The following WSCD1 variants were observed in gnomAD, a reference collection of about 807,000 sequenced individuals.
WSCD1 encodes WSC domain sialate O sulfotransferase 1, also known as sialate:O-sulfotransferase 1.
Under a neutral mutation model 60.4 loss-of-function variants are expected in WSCD1, and 41 were observed. That is an observed-to-expected ratio of 0.68 (90% confidence interval 0.53 to 0.88). The LOEUF is 0.88. WSCD1 is among the 40% of genes least tolerant of loss of function. The probability of loss-of-function intolerance (pLI) is 0.00; values close to 1 mark genes in which losing one functional copy is unlikely to be tolerated. For synonymous variants in WSCD1, 361 were observed against 332.5 expected (o/e 1.09, Z -0.93); for missense variants, 784 against 796.2 (o/e 0.98, Z 0.18).
At chr17:6,109,123 T>C (rs1597368394) in intron 5 of WSCD1, among the ~76,000 whole-genome samples, 1 of 152,140 alleles carries the variant, frequency 6.6e-6, no homozygotes, top group Non-Finnish European at 1.5e-5. Context: ...TGTTCATTAG[T>C]GGTGTGACAC....
intron 5 of WSCD1, among the ~76,000 whole-genome samples, chr17:6,100,989 T>G (rs1209203471): frequency 6.6e-6 from 1 of 152,214 alleles, no homozygotes; most frequent in African/African-American, 2.4e-5. Context: ...GAAGTTGATC[T>G]GACCCAGACC....
upstream of WSCD1, among the ~76,000 whole-genome samples, chr17:6,069,765 C>T (rs1487770008): frequency 2.2e-5 from 3 of 135,796 alleles, no homozygotes; most frequent in Non-Finnish European, 4.7e-5. Context: ...CTGCATGGGA[C>T]GGTGATCCGG....
intron 5 of WSCD1, among the ~76,000 whole-genome samples, chr17:6,108,150 C>T (rs1390210503): frequency 1.3e-5 from 2 of 152,166 alleles, no homozygotes; most frequent in African/African-American, 4.8e-5. Context: ...CGCCAATGCC[C>T]CAGGCCCTGC....
chr17:6,090,087 G>A (rs145680867), intron 3 of WSCD1, among the ~76,000 whole-genome samples: 1 of 152,296 alleles, frequency 6.6e-6, no homozygotes. Context: ...CTCTTATACA[G>A]ATGGAGAATC....
intron 5 of WSCD1, among the ~76,000 whole-genome samples, chr17:6,096,602 C>A (rs986551512): frequency 1.3e-5 from 2 of 152,214 alleles, no homozygotes; most frequent in African/African-American, 4.8e-5. Context: ...AGGGCACCCA[C>A]GACACAATTA....
At chr17:6,070,014 T>C (rs186489987), upstream of WSCD1, among the ~76,000 whole-genome samples, 264 of 151,924 alleles carry the variant, frequency 1.7e-3, no homozygotes, top group African/African-American at 5.9e-3. Flanking sequence ...GCTGTGAGTC[T>C]GCATGGGAGA....
At chr17:6,084,092 T>C (rs1909459874) in intron 2 of WSCD1, among the ~76,000 whole-genome samples, 1 of 152,194 alleles carries the variant, frequency 6.6e-6, no homozygotes, top group Non-Finnish European at 1.5e-5. Flanking sequence ...CCATCTACAC[T>C]CTGGCTGCCT....
chr17:6,080,910 T>C lies in WSCD1; in HGVS notation c.252T>C (p.Gly84=). Reference sequence around the variant, plus strand: ...GAGTCAGCCCAGAGCTGCTGCTGGGTGTGGACATGCTGCAGAGCCCCCTGA... The same window carrying C: ...GAGTCAGCCCAGAGCTGCTGCTGGGCGTGGACATGCTGCAGAGCCCCCTGA... ...DPRVSPELLL[G]VDMLQSPLTR... The change falls in exon 2 of 9, where the codon GGT becomes GGC. Residue 84 remains glycine, a synonymous_variant. Transcript: ENST00000317744. The surrounding 1 kb of genome is among the most constrained non-coding windows in gnomAD (Gnocchi z 6.6). 1.3e-6 allele frequency: 2 copies of C among 1,596,476 alleles called. No homozygotes were observed. Among genetic ancestry groups the C allele is most frequent in the Non-Finnish European group, 1.7e-6 (2 of 1,175,852 alleles).
At chr17:6,099,968 T>A (rs1026303301) in intron 5 of WSCD1, among the ~76,000 whole-genome samples, 2 of 152,046 alleles carry the variant, frequency 1.3e-5, no homozygotes, top group African/African-American at 4.8e-5. Flanking sequence ...CTGGTGTCCC[T>A]CCAGTCATCA....
chr17:6,117,250 G>C (rs751548875), intron 7 of WSCD1, among the ~76,000 whole-genome samples: 4 of 152,198 alleles, frequency 2.6e-5, no homozygotes, highest in Non-Finnish European at 5.9e-5. Flanking sequence ...GCCCCCGATG[G>C]GCTGATCAAT....
At chr17:6,108,755 T>G (rs1214380084) in intron 5 of WSCD1, among the ~76,000 whole-genome samples, 1 of 152,224 alleles carries the variant, frequency 6.6e-6, no homozygotes, top group Non-Finnish European at 1.5e-5. Context: ...CTTTCACACC[T>G]TCAGGATGCC....
At chr17:6,115,476 T>A (rs1239334025) in intron 7 of WSCD1, among the ~76,000 whole-genome samples, 1 of 152,140 alleles carries the variant, frequency 6.6e-6, no homozygotes, top group Non-Finnish European at 1.5e-5. Context: ...TGTTTAAGAA[T>A]GAAAAACCTC....
At chr17:6,082,682 G>A (rs1420207187) in intron 2 of WSCD1, among the ~76,000 whole-genome samples, 2 of 152,174 alleles carry the variant, frequency 1.3e-5, no homozygotes, top group Non-Finnish European at 2.9e-5. Flanking sequence ...CCCTGCACCC[G>A]AAGTCAGAAG....
chr17:6,104,794 G>A (rs1417026902), intron 5 of WSCD1, among the ~76,000 whole-genome samples: 1 of 152,212 alleles, frequency 6.6e-6, no homozygotes, highest in African/African-American at 2.4e-5. Context: ...GAGTTGAGCT[G>A]TGTTGATGTG....
In WSCD1 at chr17:6,080,507, G is replaced by A. The variant is rs376202050; in HGVS notation, c.-152G>A. On this transcript the variant is annotated 5_prime_UTR_variant, in exon 2 of 9. Transcript: ENST00000317744. The surrounding 1 kb of genome is among the most constrained non-coding windows in gnomAD (Gnocchi z 6.6). ...TGCCATTTGAACACCTACTGGAAAC[G>A]GGGCAGGAACAGTGAGTGACCCCAG... is the stretch of plus-strand genomic sequence containing the variant. 5.2e-5 allele frequency: 38 copies of A among 734,080 alleles called. No homozygotes were observed. Among genetic ancestry groups the A allele is most frequent in the South Asian group, 5.1e-4 (27 of 53,454 alleles). 45.5% of individuals were successfully genotyped at this position (734,080 alleles called of 1,614,324 possible). A position where few individuals can be genotyped will look rare whatever the true frequency, so the allele number is the denominator to read the frequency against.
chr17:6,118,257 G>C lies in WSCD1; in HGVS notation c.1375+69G>C. ...AGGTAGGTTGCTCATCAGGATGCAGGATCAATTTACACAGGTAGGCACTGC... is the reference window on the plus strand; with the variant it reads ...AGGTAGGTTGCTCATCAGGATGCAGCATCAATTTACACAGGTAGGCACTGC... On this transcript the variant is annotated intron_variant, in intron 8 of 8. Coordinates refer to ENST00000317744, the MANE Select transcript of WSCD1 (RefSeq NM_015253.2). This position sits in a 1 kb window ranked among gnomAD's most constrained non-coding sequence, Gnocchi z 5.8. 2.6e-6 allele frequency: 4 copies of C among 1,529,610 alleles called. No homozygotes were observed. Among genetic ancestry groups the C allele is most frequent in the Non-Finnish European group, 3.6e-6 (4 of 1,122,064 alleles). The allele number at this position is 1,529,610 out of a possible 1,614,324, so 94.8% of individuals were successfully genotyped here. A position where few individuals can be genotyped will look rare whatever the true frequency, so the allele number is the denominator to read the frequency against.
At chr17:6,069,391 G>A (rs1333217718), upstream of WSCD1, 8 of 213,620 alleles carry the variant, frequency 3.7e-5, no homozygotes, top group East Asian at 6.3e-5. Flanking sequence ...ACCTCGGTGC[G>A]TGTGTGTGTG....
At chr17:6,089,037 C>T (rs1909848531) in intron 3 of WSCD1, among the ~76,000 whole-genome samples, 1 of 152,226 alleles carries the variant, frequency 6.6e-6, no homozygotes, top group Non-Finnish European at 1.5e-5. Context: ...CCGCCTCAGC[C>T]TCCCAAAGTA....
rs1904808341 is a variant in WSCD1 at position 6,123,038 on chromosome 17, G to T, written c.*2377G>T. 6.6e-6 allele frequency: 1 copy of T among 152,326 alleles called. No homozygotes were observed. The highest frequency in any genetic ancestry group is 1.5e-5 in the Non-Finnish European group (1 of 68,054). 9.4% of individuals were successfully genotyped at this position (152,326 alleles called of 1,614,324 possible). A position where few individuals can be genotyped will look rare whatever the true frequency, so the allele number is the denominator to read the frequency against. On this transcript the variant is annotated 3_prime_UTR_variant, in exon 9 of 9. Transcript: ENST00000317744. The stretch of plus-strand genomic sequence containing the variant: ...ACGTGGGAGATCTCATCAGAAACAG[G>T]AACGGGGATCTGTCTGTGCTTGCAG...
Sources: allele counts gnomAD v4.1 joint callset (sites outside exome capture counted in the v4.1 genomes callset), GRCh38; gene constraint gnomAD v4.1.1; non-coding constraint Gnocchi (gnomAD v3.1); transcripts MANE v1.5; gene names NCBI Gene and HGNC (gene_info 2026-07-23, HGNC 2026-07-21).